Variants in GPR149 observed in about 807,000 individuals in gnomAD.
The protein encoded by GPR149 is G protein-coupled receptor 149.
A neutral mutation model predicts 50.2 loss-of-function variants in GPR149; 50 were observed. The observed-to-expected ratio is 1.00, with a 90% CI of 0.79 to 1.26. GPR149 has a LOEUF of 1.26. GPR149 is among the 50% of genes most tolerant of loss of function. The pLI is 0.00. For missense variants in GPR149, 983 were observed against 895.4 expected, an observed-to-expected ratio of 1.10 and a Z score of -1.25; for synonymous variants, 405 against 358.2, an observed-to-expected ratio of 1.13 and a Z score of -1.48.
intron 3 of GPR149, among the ~76,000 whole-genome samples, chr3:154,410,445 G>A (rs1711804160): frequency 6.6e-6 from 1 of 152,128 alleles, no homozygotes; most frequent in African/African-American, 2.4e-5. Flanking sequence ...ATGGCAGAGT[G>A]GATAAGAGTT....
chr3:154,409,493 G>A (rs759735774), intron 3 of GPR149, among the ~76,000 whole-genome samples: 4 of 151,982 alleles, frequency 2.6e-5, no homozygotes, highest in East Asian at 3.9e-4. Flanking sequence ...TACAGGATAC[G>A]AAAGGAAAAT....
intron 2 of GPR149, among the ~76,000 whole-genome samples, chr3:154,423,114 G>T (rs193059673): frequency 3.0e-4 from 46 of 151,932 alleles, no homozygotes; most frequent in African/African-American, 1.1e-3. Flanking sequence ...TGTTAAAGGA[G>T]ACTTCACCTC....
At chr3:154,381,742 G>C (rs1714933858) in intron 3 of GPR149, among the ~76,000 whole-genome samples, 1 of 152,100 alleles carries the variant, frequency 6.6e-6, no homozygotes, top group Non-Finnish European at 1.5e-5. Flanking sequence ...AGAAATAAAG[G>C]TAATTATTTG....
intron 3 of GPR149, among the ~76,000 whole-genome samples, chr3:154,385,359 A>G (rs1220525269): frequency 1.3e-5 from 2 of 152,192 alleles, no homozygotes; most frequent in Non-Finnish European, 2.9e-5. Flanking sequence ...TGAAAATCAG[A>G]AGAGGCACTC....
chr3:154,420,151 T>C (rs1319558067), intron 3 of GPR149, among the ~76,000 whole-genome samples: 1 of 151,986 alleles, frequency 6.6e-6, no homozygotes, highest in African/African-American at 2.4e-5. Context: ...CCTAGCAGTG[T>C]ATTTATTTCT....
intron 3 of GPR149, among the ~76,000 whole-genome samples, chr3:154,345,962 A>G (rs113567638): frequency 1.7e-4 from 26 of 152,230 alleles, no homozygotes; most frequent in African/African-American, 6.0e-4. Context: ...AGGTTTCTTA[A>G]CTCTCAGTTA....
At chr3:154,353,555 A>G in intron 3 of GPR149, 1 of 986,464 alleles carries the variant, frequency 1.0e-6, no homozygotes, top group Admixed American at 1.8e-5. Context: ...CCAAGATGTC[A>G]ATACCATTTT....
At chr3:154,342,623 G>T (rs983724529) in intron 3 of GPR149, among the ~76,000 whole-genome samples, 4 of 152,080 alleles carry the variant, frequency 2.6e-5, no homozygotes, top group African/African-American at 9.7e-5. Flanking sequence ...TGGCCAGGCT[G>T]GTCTTGAACT....
At chr3:154,421,971 T>C (rs965582667) in intron 2 of GPR149, among the ~76,000 whole-genome samples, 7 of 151,748 alleles carry the variant, frequency 4.6e-5, no homozygotes, top group African/African-American at 1.7e-4. Context: ...CTTAAAATAT[T>C]TTGGTATATA....
intron 3 of GPR149, among the ~76,000 whole-genome samples, chr3:154,361,326 C>T (rs1402685192): frequency 2.0e-5 from 3 of 152,150 alleles, no homozygotes; most frequent in Non-Finnish European, 4.4e-5. Flanking sequence ...GCATATTCAA[C>T]TAGTCTTCTT....
At chr3:154,352,713 AAC>A in intron 3 of GPR149, 1 of 784,454 alleles carries the variant, frequency 1.3e-6, no homozygotes, top group Non-Finnish European at 2.4e-6. Context: ...AGAAAAAATC[AAC>A]AGCAGCATAA....
chr3:154,340,390 A>G (rs1431473647), intron 3 of GPR149, among the ~76,000 whole-genome samples: 1 of 152,248 alleles, frequency 6.6e-6, no homozygotes, highest in Non-Finnish European at 1.5e-5. Context: ...TCACAGCATC[A>G]GACTACTATT....
intron 3 of GPR149, among the ~76,000 whole-genome samples, chr3:154,356,466 A>G (rs189102850): frequency 2.0e-4 from 31 of 152,298 alleles, no homozygotes; most frequent in Admixed American, 1.4e-3. Context: ...TTAAGCTGAT[A>G]AGCAACTTCA....
intron 3 of GPR149, among the ~76,000 whole-genome samples, chr3:154,366,541 A>C (rs1714536893): frequency 6.6e-6 from 1 of 152,160 alleles, no homozygotes; most frequent in Non-Finnish European, 1.5e-5. Context: ...ATTTACATCT[A>C]TTCTCTGTGA....
At chr3:154,368,372 AG>A (rs1162537465) in intron 3 of GPR149, among the ~76,000 whole-genome samples, 1 of 152,238 alleles carries the variant, frequency 6.6e-6, no homozygotes, top group Non-Finnish European at 1.5e-5. Context: ...TCCAGGGTTT[AG>A]GCAGGTATCA....
chr3:154,407,469 AG>A (rs1264926440), intron 3 of GPR149, among the ~76,000 whole-genome samples: 5 of 152,116 alleles, frequency 3.3e-5, no homozygotes. Context: ...TGGGCAAAAA[AG>A]TAAACGTATT....
intron 3 of GPR149, among the ~76,000 whole-genome samples, chr3:154,348,878 G>T (rs1023656674): frequency 7.2e-5 from 11 of 152,022 alleles, no homozygotes; most frequent in Admixed American, 4.6e-4. Context: ...CCCTATCTAA[G>T]CCATAAGACA....
intron 2 of GPR149, among the ~76,000 whole-genome samples, chr3:154,423,476 G>T (rs1712203419): frequency 6.6e-6 from 1 of 151,804 alleles, no homozygotes; most frequent in Admixed American, 6.6e-5. Context: ...CTGTTTTTAA[G>T]TCAGAGGAAA....
At chr3:154,371,416 C>T (rs535901901) in intron 3 of GPR149, among the ~76,000 whole-genome samples, 88 of 152,264 alleles carry the variant, frequency 5.8e-4, no homozygotes, top group African/African-American at 1.9e-3. Flanking sequence ...ACCCCAATCT[C>T]GCCACACGTG....
Sources: allele counts gnomAD v4.1 joint callset (sites outside exome capture counted in the v4.1 genomes callset), GRCh38; gene constraint gnomAD v4.1.1; transcripts MANE v1.5; gene names NCBI Gene and HGNC (gene_info 2026-07-23, HGNC 2026-07-21).